The following RAB3GAP2 variants were observed in gnomAD, a reference collection of about 807,000 sequenced individuals.
RAB3GAP2 encodes the protein rab3 GTPase-activating protein non-catalytic subunit.
Under a neutral mutation model 185.3 loss-of-function variants are expected in RAB3GAP2, and 87 were observed. That is an observed-to-expected ratio of 0.47 (90% CI 0.39 to 0.56). The LOEUF (loss-of-function observed/expected upper bound fraction) is 0.56. RAB3GAP2 is among the 20% of genes least tolerant of loss of function. RAB3GAP2 has a pLI of 0.00. For synonymous variants in RAB3GAP2, 554 were observed against 576.1 expected (o/e 0.96, Z 0.55); for missense variants, 1,492 against 1,638.2 (o/e 0.91, Z 1.54).
intron 27 of RAB3GAP2, among the ~76,000 whole-genome samples, chr1:220,163,929 A>G (rs1014857638): frequency 6.6e-6 from 1 of 151,848 alleles, no homozygotes; most frequent in Non-Finnish European, 1.5e-5. Context: ...TATTACAGAG[A>G]CATAAGGTGA....
chr1:220,186,087 C>T (rs149327986), intron 17 of RAB3GAP2, among the ~76,000 whole-genome samples: 19 of 152,156 alleles, frequency 1.2e-4, no homozygotes, highest in East Asian at 3.9e-4. Flanking sequence ...TAGGCATAAA[C>T]GAAAAGCAGA....
intron 17 of RAB3GAP2, among the ~76,000 whole-genome samples, chr1:220,187,877 G>A (rs1658534506): frequency 6.6e-6 from 1 of 151,958 alleles, no homozygotes; most frequent in African/African-American, 2.4e-5. Flanking sequence ...GCAAAGAGGG[G>A]GTCATAGTAA....
intron 1 of RAB3GAP2, among the ~76,000 whole-genome samples, chr1:220,246,151 T>C (rs1659810628): frequency 6.6e-6 from 1 of 152,128 alleles, no homozygotes; most frequent in Non-Finnish European, 1.5e-5. Flanking sequence ...AAGACATCTA[T>C]GCAGCCAAAA....
rs1457327282 is a variant in RAB3GAP2 at position 220,210,483 on chromosome 1, C to T, written c.517G>A (p.Val173Met). 1 of 1,613,232 alleles carries T rather than the reference C, an allele frequency of 6.2e-7. No individual in the cohort carries two copies. Among genetic ancestry groups the T allele is most frequent in the East Asian group, 2.2e-5 (1 of 44,876 alleles). ...GYVRFYTENG[V>M]LLLAQLLNED... ...TTCAAAAGCTGTGCAAGCAAGAGCACACCATTCTAGGAGGAAGCACAGAGA... is the reference window on the plus strand; with the variant it reads ...TTCAAAAGCTGTGCAAGCAAGAGCATACCATTCTAGGAGGAAGCACAGAGA... The change falls in exon 7 of 35, where the codon GTG becomes ATG. Residue 173 changes from valine to methionine, a missense_variant. Transcript: ENST00000358951.
chr1:220,172,510 A>C (rs1658197656), intron 22 of RAB3GAP2, 127 bp downstream of exon 22: 1 of 668,834 alleles, frequency 1.5e-6, no homozygotes, highest in African/African-American at 1.8e-5. Flanking sequence ...TACATAAAAG[A>C]ATCTCTACGG....
intron 7 of RAB3GAP2, among the ~76,000 whole-genome samples, chr1:220,208,455 C>T (rs533737998): frequency 6.6e-6 from 1 of 152,310 alleles, no homozygotes; most frequent in South Asian, 2.1e-4. Context: ...CTTCAACCAT[C>T]GTGTCCAATC....
intron 17 of RAB3GAP2, among the ~76,000 whole-genome samples, chr1:220,189,096 G>A (rs980573789): frequency 1.2e-4 from 19 of 152,076 alleles, no homozygotes; most frequent in Non-Finnish European, 2.2e-4. Context: ...AGAAGGGAAT[G>A]GGACTGAGGG....
At chr1:220,266,268 C>A in intron 1 of RAB3GAP2, 1 of 240,930 alleles carries the variant, frequency 4.2e-6, no homozygotes, top group South Asian at 7.9e-5. Context: ...CTCAGTCCAA[C>A]AGCTTTACCA....
intron 2 of RAB3GAP2, among the ~76,000 whole-genome samples, chr1:220,227,886 G>A (rs1571916916): frequency 1.3e-5 from 2 of 152,132 alleles, no homozygotes; most frequent in South Asian, 4.1e-4. Context: ...AAAGTAGCTG[G>A]GATTACAGGC....
intron 2 of RAB3GAP2, chr1:220,220,216 C>T (rs1659279829): frequency 6.6e-6 from 1 of 152,274 alleles, no homozygotes; most frequent in Admixed American, 6.5e-5. Context: ...GCAGTCTCCC[C>T]CATCATCGTC....
chr1:220,193,421 G>C, intron 12 of RAB3GAP2, 42 bp from the exon 13 acceptor site: 1 of 1,589,698 alleles, frequency 6.3e-7, no homozygotes, highest in East Asian at 2.3e-5. Flanking sequence ...TCACATTCCA[G>C]TTCAGAAACA....
At chr1:220,228,448 T>C (rs943977960) in intron 2 of RAB3GAP2, among the ~76,000 whole-genome samples, 1 of 152,194 alleles carries the variant, frequency 6.6e-6, no homozygotes, top group Non-Finnish European at 1.5e-5. Flanking sequence ...ATAATAGTGC[T>C]ATATATGGAA....
rs748127686 is a variant in RAB3GAP2, at chr1:220,162,179, A to G, written c.3225+19T>C. ...AGAGAATCAAATAAATAAGAAGTCA[A>G]TACATGAAACTACCTTACCTTATCC... On this transcript the variant is annotated intron_variant, in intron 28 of 34. Transcript: ENST00000358951. The G allele has an allele frequency of 2.0e-6, 3 of 1,498,632 alleles. No homozygotes were observed. Among genetic ancestry groups the G allele is most frequent in the African/African-American group, 2.8e-5 (2 of 72,352 alleles). 92.8% of individuals were successfully genotyped at this position (1,498,632 alleles called of 1,614,324 possible).
intron 13 of RAB3GAP2, among the ~76,000 whole-genome samples, chr1:220,192,328 A>G (rs1182082948): frequency 6.7e-6 from 1 of 149,466 alleles, no homozygotes; most frequent in Non-Finnish European, 1.5e-5. Flanking sequence ...AGTGGCTTCA[A>G]TCTGGTCCAG....
Position 220,193,398 on chromosome 1 carries a change from T to G in RAB3GAP2, c.1131-19A>C. On this transcript the variant is annotated intron_variant, in intron 12 of 34. Coordinates refer to ENST00000358951, the MANE Select transcript of RAB3GAP2 (RefSeq NM_012414.4). Reference sequence around the variant, plus strand: ...TCCAAATCTGATATTTAAAAGAAAATAAAATGCTCAAATCACATTCCAGTT... The same window carrying G: ...TCCAAATCTGATATTTAAAAGAAAAGAAAATGCTCAAATCACATTCCAGTT... The G allele has an allele frequency of 5.0e-6, 8 of 1,610,680 alleles. No individual in the cohort carries two copies. The highest frequency in any genetic ancestry group is 6.8e-6 in the Non-Finnish European group (8 of 1,178,128).
At chr1:220,157,953 A>G in intron 29 of RAB3GAP2, 77 bp from the exon 30 acceptor site, 4 of 1,101,118 alleles carry the variant, frequency 3.6e-6, no homozygotes, top group Non-Finnish European at 5.5e-6. Context: ...AAGAACCAGG[A>G]TACAATACAC....
intron 1 of RAB3GAP2, among the ~76,000 whole-genome samples, chr1:220,245,493 C>G (rs551014181): frequency 6.6e-6 from 1 of 152,352 alleles, no homozygotes; most frequent in East Asian, 1.9e-4. Flanking sequence ...GAGATTATAT[C>G]CCACACCTGG....
chr1:220,233,608 C>A (rs1253420586), intron 1 of RAB3GAP2, among the ~76,000 whole-genome samples: 3 of 152,146 alleles, frequency 2.0e-5, no homozygotes, highest in African/African-American at 7.2e-5. Flanking sequence ...TAATAAAGTA[C>A]AAATAAAACT....
rs1658438370 is a variant in RAB3GAP2 at position 220,182,882 on chromosome 1, T to C, written c.2048A>G (p.Gln683Arg). 1 of 1,613,632 alleles carries C rather than the reference T, an allele frequency of 6.2e-7. No individual in the cohort carries two copies. The highest frequency in any genetic ancestry group is 8.5e-7 in the Non-Finnish European group (1 of 1,179,780). The change falls in exon 20 of 35, where the codon CAG becomes CGG. Residue 683 changes from glutamine (Q) to arginine (R), a missense_variant. Around this residue, in one of 5 missense-constraint regions of RAB3GAP2, gnomAD observed 681 missense variants for 689.1 expected, o/e 0.99. Transcript: ENST00000358951. ...TTGCTTATATTTCTCTAGTAATGCCTGGAGCTTAAGCAGTTCTTTTTCATC... is the reference window on the plus strand; with the variant it reads ...TTGCTTATATTTCTCTAGTAATGCCCGGAGCTTAAGCAGTTCTTTTTCATC... ...RLDEKELLKL[Q>R]ALLEKYKQEN...
Sources: allele counts gnomAD v4.1 joint callset (sites outside exome capture counted in the v4.1 genomes callset), GRCh38; gene constraint gnomAD v4.1.1; regional missense constraint gnomAD v4.1.1; transcripts MANE v1.5; gene names NCBI Gene and HGNC (gene_info 2026-07-23, HGNC 2026-07-21).